CRACDL: variants seen among roughly 807,000 people sequenced by gnomAD.
The protein encoded by CRACDL is CRACD-like protein.
A neutral mutation model predicts 70.6 loss-of-function variants in CRACDL; 26 were observed. The observed-to-expected ratio is 0.37, with a 90% CI of 0.27 to 0.51. The LOEUF is 0.51. Among genes scored for constraint, CRACDL ranks in the 20% least tolerant of loss-of-function variants. The probability of loss-of-function intolerance (pLI) is 0.94; values close to 1 mark genes in which losing one functional copy is unlikely to be tolerated. For synonymous variants in CRACDL, 618 were observed against 615.2 expected (o/e 1.00, Z -0.07); for missense variants, 1,283 against 1,376.9 (o/e 0.93, Z 1.08).
rs745644740 is a variant in CRACDL, at chr2:98,823,489, C to T, written c.784G>A (p.Glu262Lys). Residue 262 changes from glutamate to lysine, a missense_variant, in exon 7 of 10, where the codon GAG becomes AAG. By Grantham distance (56) the Glu-to-Lys change is moderately conservative. Transcript: ENST00000397899. The surrounding 1 kb of genome is among the most constrained non-coding windows in gnomAD (Gnocchi z 4.0). ...LSDLTCTPEE[E>K]ENEEKPLLEV... Reference sequence around the variant, plus strand: ...AAAAGTGGCTTCTCCTCGTTTTCCTCCTCCTCTGGGGTGCACGTCAGGTCG... The same window carrying T: ...AAAAGTGGCTTCTCCTCGTTTTCCTTCTCCTCTGGGGTGCACGTCAGGTCG... The T allele has an allele frequency of 4.0e-5, 64 of 1,594,538 alleles. No individual in the cohort carries two copies. Among genetic ancestry groups the T allele is most frequent in the South Asian group, 1.1e-5 (1 of 90,084 alleles).
At chr2:98,798,621 A>G (rs1030322209) in intron 7 of CRACDL, among the ~76,000 whole-genome samples, 7 of 151,808 alleles carry the variant, frequency 4.6e-5, no homozygotes, top group Non-Finnish European at 8.8e-5. Flanking sequence ...ATTTTCTACG[A>G]TAAGAATTTA....
At chr2:98,902,131 C>A (rs1455674393) in intron 1 of CRACDL, among the ~76,000 whole-genome samples, 1 of 152,190 alleles carries the variant, frequency 6.6e-6, no homozygotes, top group African/African-American at 2.4e-5. Flanking sequence ...TAAACTGTGA[C>A]TTGGAAACAG....
At chr2:98,834,435 A>T (rs1205571500) in intron 3 of CRACDL, among the ~76,000 whole-genome samples, 1 of 152,226 alleles carries the variant, frequency 6.6e-6, no homozygotes, top group Non-Finnish European at 1.5e-5. Context: ...GCATCACCAG[A>T]TACTACTAAG....
chr2:98,877,477 G>A (rs573743568), intron 1 of CRACDL, among the ~76,000 whole-genome samples: 1 of 152,338 alleles, frequency 6.6e-6, no homozygotes, highest in African/African-American at 2.4e-5. Flanking sequence ...TTTAGTTGGT[G>A]GCTCATGCCT....
chr2:98,880,102 T>C (rs555754719), intron 1 of CRACDL, among the ~76,000 whole-genome samples: 1 of 152,340 alleles, frequency 6.6e-6, no homozygotes, highest in Admixed American at 6.5e-5. Context: ...GCAGAGTTAT[T>C]AATACAGTGC....
chr2:98,899,306 CAAGTA>C (rs1708206108), intron 1 of CRACDL, among the ~76,000 whole-genome samples: 2 of 152,216 alleles, frequency 1.3e-5, no homozygotes, highest in African/African-American at 2.4e-5. Flanking sequence ...TAAAAATGTA[CAAGTA>C]TGTAATAAGC....
At chr2:98,899,283 A>T (rs1226379158) in intron 1 of CRACDL, among the ~76,000 whole-genome samples, 1 of 152,236 alleles carries the variant, frequency 6.6e-6, no homozygotes, top group Non-Finnish European at 1.5e-5. Context: ...TTAACCTCAG[A>T]CGTTAAGCCT....
intron 1 of CRACDL, among the ~76,000 whole-genome samples, chr2:98,871,149 GC>G (rs1397854127): frequency 6.6e-6 from 1 of 152,160 alleles, no homozygotes; most frequent in Non-Finnish European, 1.5e-5. Context: ...TCTTTGCTGT[GC>G]CCAAGCCATA....
Position 98,817,586 on chromosome 2 carries a change from C to T in CRACDL, c.2416+4271G>A, listed in dbSNP as rs142110386. The stretch of plus-strand genomic sequence containing the variant: ...CAGAAAATGGCTGTCTACACTCCTC[C>T]AGCATCCAGCTACCACCTGCCTTCT... On this transcript the variant is annotated intron_variant, in intron 7 of 9. Coordinates refer to ENST00000397899, the MANE Select transcript of CRACDL (RefSeq NM_207362.3). Among the ~76,000 whole-genome samples, 11 of 152,342 alleles carry T rather than the reference C, an allele frequency of 7.2e-5. 1 individual carries two copies. In the East Asian group the frequency reaches 2.1e-3, roughly 29 times the overall value.
intron 1 of CRACDL, among the ~76,000 whole-genome samples, chr2:98,927,400 A>G (rs1208907500): frequency 6.6e-6 from 1 of 152,184 alleles, no homozygotes; most frequent in African/African-American, 2.4e-5. Context: ...AATTCCCTGC[A>G]CTAAATCCTC....
At chr2:98,875,408 C>T (rs1378700432) in intron 1 of CRACDL, among the ~76,000 whole-genome samples, 6 of 152,230 alleles carry the variant, frequency 3.9e-5, no homozygotes. Flanking sequence ...TTAGCAACTC[C>T]CAGCTGTGTC....
intron 1 of CRACDL, among the ~76,000 whole-genome samples, chr2:98,861,221 C>A (rs1706921590): frequency 6.6e-6 from 1 of 152,148 alleles, no homozygotes; most frequent in Non-Finnish European, 1.5e-5. Context: ...GTGGTGCATA[C>A]TTGTAATCCC....
At position 98,889,303 on chromosome 2, in the gene CRACDL, GAAAGAAAGAAAGAAAGAA is replaced by G. The variant is rs1390150565; in HGVS notation, c.-10-42511_-10-42494del. 2.3e-3 allele frequency among the ~76,000 whole-genome samples: 123 copies of G among 52,876 alleles called. No individual in the cohort carries two copies. In the African/African-American group the frequency reaches 0.024, roughly 10 times the overall value. 34.7% of individuals were successfully genotyped at this position (52,876 alleles called of 152,430 possible). On this transcript the variant is annotated intron_variant, in intron 1 of 9. Coordinates refer to ENST00000397899, the MANE Select transcript of CRACDL (RefSeq NM_207362.3). Reference sequence around the variant, plus strand: ...AAAGAGAGAGAAAGAAAGAAAGAAAGAAAGAAAGAAAGAAAGAAAGAAAGAAAGAAAGAAAGAAAGGAA... The same window carrying G: ...AAAGAGAGAGAAAGAAAGAAAGAAAGAGAAAGAAAGAAAGAAAGAAAGGAA...
chr2:98,827,041 T>C lies in CRACDL; in HGVS notation c.669A>G (p.Ala223=). 6.2e-7 allele frequency: 1 copy of C among 1,614,138 alleles called. No homozygotes were observed. The highest frequency in any genetic ancestry group is 8.5e-7 in the Non-Finnish European group (1 of 1,180,006). ...AESSSCLDNS[A]AKHKLQVKPR... ...GCTTGACCTGGAGCTTGTGCTTAGCTGCAGAGTTGTCCAGGCAGGAGGAGG... is the reference window on the plus strand; with the variant it reads ...GCTTGACCTGGAGCTTGTGCTTAGCCGCAGAGTTGTCCAGGCAGGAGGAGG... Residue 223 remains alanine, a synonymous_variant, in exon 6 of 10, where the codon GCA becomes GCG. Transcript: ENST00000397899.
chr2:98,865,816 T>C (rs1707113975), intron 1 of CRACDL, among the ~76,000 whole-genome samples: 1 of 149,758 alleles, frequency 6.7e-6, no homozygotes, highest in Non-Finnish European at 1.5e-5. Context: ...TTTTTTTTTT[T>C]TGAGACGGAG....
At chr2:98,933,067 T>A (rs983098282) in intron 1 of CRACDL, among the ~76,000 whole-genome samples, 2 of 152,164 alleles carry the variant, frequency 1.3e-5, no homozygotes, top group African/African-American at 2.4e-5. Context: ...CCGCACAACC[T>A]GGGCGGGCTC....
chr2:98,805,804 C>T (rs1346422984), intron 7 of CRACDL, among the ~76,000 whole-genome samples: 2 of 152,180 alleles, frequency 1.3e-5, no homozygotes, highest in African/African-American at 4.8e-5. Flanking sequence ...GCTCCTCAGC[C>T]GGCTCTCCTG....
At chr2:98,854,234 T>A (rs1652728559) in intron 1 of CRACDL, among the ~76,000 whole-genome samples, 1 of 129,384 alleles carries the variant, frequency 7.7e-6, no homozygotes, top group Admixed American at 9.4e-5. Context: ...TGAGCCAAGA[T>A]CATGCCATTG....
intron 1 of CRACDL, among the ~76,000 whole-genome samples, chr2:98,929,016 A>T (rs1573213034): frequency 6.6e-6 from 1 of 151,698 alleles, no homozygotes; most frequent in Admixed American, 6.6e-5. Flanking sequence ...ACCCCTGAAA[A>T]CACCCCATTT....
Sources: allele counts gnomAD v4.1 joint callset (sites outside exome capture counted in the v4.1 genomes callset), GRCh38; gene constraint gnomAD v4.1.1; non-coding constraint Gnocchi (gnomAD v3.1); transcripts MANE v1.5; gene names NCBI Gene and HGNC (gene_info 2026-07-23, HGNC 2026-07-21).